The following PLCL2 variants were observed in gnomAD, a reference collection of about 807,000 sequenced individuals.
PLCL2 encodes the protein inactive phospholipase C-like protein 2.
PLCL2 carries 4 observed loss-of-function variants against 79.6 expected under a neutral mutation model. The observed-to-expected ratio is 0.05, with a 90% confidence interval of 0.02 to 0.11. PLCL2 has a LOEUF of 0.11. PLCL2 is among the 10% of genes least tolerant of loss of function. PLCL2 has a pLI of 1.00. For missense variants in PLCL2, 895 were observed against 1,291.0 expected (o/e 0.69, Z 4.70); for synonymous variants, 484 against 457.7 (o/e 1.06, Z -0.73).
At chr3:17,080,575 C>T (rs780561734) in intron 5 of PLCL2, among the ~76,000 whole-genome samples, 1 of 152,010 alleles carries the variant, frequency 6.6e-6, no homozygotes, top group Non-Finnish European at 1.5e-5. Context: ...CTCAGCCTCC[C>T]GAGTAGCTGG....
intron 1 of PLCL2, among the ~76,000 whole-genome samples, chr3:16,948,927 G>A (rs149113642): frequency 5.8e-4 from 89 of 152,190 alleles, no homozygotes; most frequent in Non-Finnish European, 7.2e-4. Context: ...GCATTGTCTC[G>A]AGGTCAACTA....
At chr3:16,955,519 T>G (rs1226559867) in intron 1 of PLCL2, among the ~76,000 whole-genome samples, 1 of 152,192 alleles carries the variant, frequency 6.6e-6, no homozygotes, top group Non-Finnish European at 1.5e-5. Flanking sequence ...GGGCTCTTTT[T>G]TGGTTCCATA....
chr3:16,921,316 A>G (rs1354963447), intron 1 of PLCL2, among the ~76,000 whole-genome samples: 2 of 152,238 alleles, frequency 1.3e-5, no homozygotes, highest in Non-Finnish European at 2.9e-5. Context: ...CTGTTTCATC[A>G]TATAAGAAAG....
chr3:16,925,016 C>T (rs149912812), intron 1 of PLCL2, among the ~76,000 whole-genome samples: 1,659 of 151,868 alleles, frequency 0.011, 34 homozygotes, highest in African/African-American at 0.038. Context: ...CTCTGCCTCA[C>T]GGGTTCACAC....
chr3:16,929,685 A>G (rs1697349104), intron 1 of PLCL2, among the ~76,000 whole-genome samples: 1 of 152,092 alleles, frequency 6.6e-6, no homozygotes, highest in African/African-American at 2.4e-5. Flanking sequence ...GGGCAGGAGG[A>G]TTTCTCACCA....
intron 1 of PLCL2, among the ~76,000 whole-genome samples, chr3:16,955,402 C>T (rs1273442673): frequency 6.6e-6 from 1 of 152,082 alleles, no homozygotes; most frequent in Non-Finnish European, 1.5e-5. Flanking sequence ...TGTTTTGGTA[C>T]CAGTACCATG....
intron 1 of PLCL2, among the ~76,000 whole-genome samples, chr3:16,996,562 G>A (rs569941163): frequency 1.3e-3 from 200 of 152,246 alleles, no homozygotes; most frequent in African/African-American, 4.6e-3. Context: ...GGGACCATAA[G>A]GGAAATGGGC....
chr3:17,053,971 A>G (rs1006304432), intron 4 of PLCL2, among the ~76,000 whole-genome samples: 4 of 152,070 alleles, frequency 2.6e-5, no homozygotes, highest in African/African-American at 9.7e-5. Flanking sequence ...CTCCTCTGAA[A>G]ATGGGCTTTT....
At chr3:16,963,843 C>G (rs2063779283) in intron 1 of PLCL2, among the ~76,000 whole-genome samples, 1 of 151,750 alleles carries the variant, frequency 6.6e-6, no homozygotes. Context: ...GAATTGGAAC[C>G]TAAATGCTGG....
At chr3:16,967,582 T>C (rs1274576463) in intron 1 of PLCL2, among the ~76,000 whole-genome samples, 1 of 152,120 alleles carries the variant, frequency 6.6e-6, no homozygotes, top group African/African-American at 2.4e-5. Flanking sequence ...AAAGTGTCTG[T>C]TGGTGTCCTT....
At chr3:16,927,123 G>A (rs1267749434) in intron 1 of PLCL2, among the ~76,000 whole-genome samples, 1 of 152,134 alleles carries the variant, frequency 6.6e-6, no homozygotes. Context: ...AAAGTGAAAT[G>A]TTAAACAAAA....
At chr3:16,989,902 G>C (rs1164043373) in intron 1 of PLCL2, among the ~76,000 whole-genome samples, 1 of 152,078 alleles carries the variant, frequency 6.6e-6, no homozygotes, top group Non-Finnish European at 1.5e-5. Flanking sequence ...TGAAACCAAG[G>C]TTTGTAGGTG....
chr3:17,063,008 A>G (rs2064967620), intron 4 of PLCL2, among the ~76,000 whole-genome samples: 1 of 151,890 alleles, frequency 6.6e-6, no homozygotes, highest in South Asian at 2.1e-4. Context: ...CTCTGGCCAC[A>G]TAAGCTAAGA....
At chr3:16,968,689 C>G (rs2063829078) in intron 1 of PLCL2, among the ~76,000 whole-genome samples, 1 of 151,996 alleles carries the variant, frequency 6.6e-6, no homozygotes, top group South Asian at 2.1e-4. Flanking sequence ...ATGGGGTGTT[C>G]CAGGTATAGA....
chr3:16,969,436 C>T (rs1227576038), intron 1 of PLCL2, among the ~76,000 whole-genome samples: 1 of 151,986 alleles, frequency 6.6e-6, no homozygotes, highest in Non-Finnish European at 1.5e-5. Context: ...TTGGTCTGTT[C>T]AGGGATTCAA....
At chr3:16,903,567 G>T (rs1379193561) in intron 1 of PLCL2, among the ~76,000 whole-genome samples, 1 of 152,178 alleles carries the variant, frequency 6.6e-6, no homozygotes, top group Non-Finnish European at 1.5e-5. Context: ...AAAAGCCCCT[G>T]TGCTGGTTTT....
intron 1 of PLCL2, among the ~76,000 whole-genome samples, chr3:16,993,578 T>C (rs1363805683): frequency 6.6e-6 from 1 of 152,220 alleles, no homozygotes; most frequent in Admixed American, 6.5e-5. Flanking sequence ...AAGGATAGCA[T>C]CCTGCTTTTT....
intron 1 of PLCL2, among the ~76,000 whole-genome samples, chr3:16,978,531 A>T (rs62246033): frequency 0.18 from 27,458 of 152,180 alleles, 3,033 homozygotes; most frequent in East Asian, 0.54. Context: ...AAAGGGGTGG[A>T]CTGAAGCCTG....
At chr3:17,081,559 A>G (rs1206700656) in intron 5 of PLCL2, 4 of 218,986 alleles carry the variant, frequency 1.8e-5, no homozygotes, top group Non-Finnish European at 3.7e-5. Flanking sequence ...ATGGCTCCTA[A>G]AATGTAGCAC....
Sources: allele counts gnomAD v4.1 joint callset (sites outside exome capture counted in the v4.1 genomes callset), GRCh38; gene constraint gnomAD v4.1.1; transcripts MANE v1.5; gene names NCBI Gene and HGNC (gene_info 2026-07-23, HGNC 2026-07-21).